The following CNTNAP2 variants were observed in gnomAD, a reference collection of about 807,000 sequenced individuals.
The protein encoded by CNTNAP2 is contactin associated protein 2.
A neutral mutation model predicts 155.2 loss-of-function variants in CNTNAP2; 98 were observed. The ratio of observed to expected loss-of-function variants is 0.63; its 90% confidence interval spans 0.54 to 0.75. The LOEUF is 0.75. Among genes scored for constraint, CNTNAP2 ranks in the 30% least tolerant of loss-of-function variants. The pLI is 0.00. For synonymous variants in CNTNAP2, 651 were observed against 631.2 expected (o/e 1.03, Z -0.47); for missense variants, 1,727 against 1,688.1 (o/e 1.02, Z -0.40).
At chr7:147,004,828 T>A (rs1798495926) in intron 3 of CNTNAP2, among the ~76,000 whole-genome samples, 1 of 152,194 alleles carries the variant, frequency 6.6e-6, no homozygotes, top group East Asian at 1.9e-4. Context: ...ACCTAGCTAG[T>A]TTTGCTTGTG....
chr7:147,797,353 T>C (rs565246544), intron 13 of CNTNAP2, among the ~76,000 whole-genome samples: 1 of 152,130 alleles, frequency 6.6e-6, no homozygotes, highest in Non-Finnish European at 1.5e-5. Context: ...ATATGTTGCA[T>C]TTTAGATTCC....
intron 22 of CNTNAP2, among the ~76,000 whole-genome samples, chr7:148,395,993 C>T (rs1799458981): frequency 6.6e-6 from 1 of 152,164 alleles, no homozygotes; most frequent in Admixed American, 6.5e-5. Flanking sequence ...CCGTTCTTCT[C>T]CCTGGGCTGT....
At chr7:146,957,067 A>T (rs781431896) in intron 3 of CNTNAP2, among the ~76,000 whole-genome samples, 2 of 152,132 alleles carry the variant, frequency 1.3e-5, no homozygotes, top group Non-Finnish European at 1.5e-5. Flanking sequence ...GAAATGTGTC[A>T]TTAGGCAATT....
At chr7:147,333,668 A>G (rs1001920814) in intron 9 of CNTNAP2, among the ~76,000 whole-genome samples, 8 of 152,142 alleles carry the variant, frequency 5.3e-5, no homozygotes, top group Non-Finnish European at 8.8e-5. Flanking sequence ...TAATAATCCT[A>G]TATATTTTTT....
rs140040376 is a variant in CNTNAP2 at position 147,213,024 on chromosome 7, G to A, written c.1348+80515G>A. Among the ~76,000 whole-genome samples the A allele has an allele frequency of 2.4e-3, 362 of 152,064 alleles. 2 individuals are homozygous for A. The highest frequency in any genetic ancestry group is 8.2e-3 in the African/African-American group (340 of 41,484). On this transcript the variant is annotated intron_variant, in intron 8 of 23. Coordinates refer to ENST00000361727, the MANE Select transcript of CNTNAP2 (RefSeq NM_014141.6). ...CAGAGAAACATAACCAACAGAATGG[G>A]ATATATATACACACACACTCACACA...
At chr7:146,152,135 T>A in intron 1 of CNTNAP2, among the ~76,000 whole-genome samples, 1 of 152,052 alleles carries the variant, frequency 6.6e-6, no homozygotes, top group East Asian at 1.9e-4. Context: ...AATAGATGAC[T>A]GGATAAAGAA....
intron 2 of CNTNAP2, among the ~76,000 whole-genome samples, chr7:146,778,976 A>G (rs1168805373): frequency 6.6e-6 from 1 of 152,178 alleles, no homozygotes; most frequent in Non-Finnish European, 1.5e-5. Flanking sequence ...TTGGGAACCC[A>G]GGGGACTACT....
At chr7:146,502,434 T>C (rs1327138755) in intron 1 of CNTNAP2, among the ~76,000 whole-genome samples, 2 of 151,792 alleles carry the variant, frequency 1.3e-5, no homozygotes, top group Non-Finnish European at 2.9e-5. Flanking sequence ...ATACTGTTGT[T>C]CCATTATTAG....
chr7:148,060,252 G>T (rs945614766), intron 15 of CNTNAP2, among the ~76,000 whole-genome samples: 5 of 152,030 alleles, frequency 3.3e-5, no homozygotes, highest in Non-Finnish European at 7.4e-5. Flanking sequence ...TGCTTTAAAT[G>T]ATTTTAAATA....
chr7:147,090,682 T>C (rs1800382959), intron 4 of CNTNAP2, among the ~76,000 whole-genome samples: 1 of 152,322 alleles, frequency 6.6e-6, no homozygotes, highest in African/African-American at 2.4e-5. Context: ...CACCTTCCAA[T>C]TGTTTATTAA....
At chr7:146,522,509 C>G (rs1375085337) in intron 1 of CNTNAP2, among the ~76,000 whole-genome samples, 2 of 151,916 alleles carry the variant, frequency 1.3e-5, no homozygotes, top group Non-Finnish European at 2.9e-5. Flanking sequence ...TTTGAAAGCA[C>G]TCTTCTATGT....
intron 1 of CNTNAP2, among the ~76,000 whole-genome samples, chr7:146,658,910 G>T (rs888992898): frequency 5.9e-5 from 9 of 152,244 alleles, no homozygotes; most frequent in African/African-American, 2.2e-4. Flanking sequence ...AGATTAGAAG[G>T]TGCTGTAGTT....
intron 1 of CNTNAP2, among the ~76,000 whole-genome samples, chr7:146,194,266 A>T (rs11978140): frequency 0.31 from 46,721 of 152,092 alleles, 8,501 homozygotes; most frequent in African/African-American, 0.5. Flanking sequence ...ACATTGCTAA[A>T]AAAGACATAC....
chr7:147,090,322 C>CGTGTGTGT (rs146882206), intron 4 of CNTNAP2, among the ~76,000 whole-genome samples: 6,750 of 141,842 alleles, frequency 0.048, 418 homozygotes, highest in African/African-American at 0.14. Context: ...AACATATAAG[C>CGTGTGTGT]GTGTGTGTGT....
At chr7:147,492,584 T>C (rs1798628548) in intron 11 of CNTNAP2, among the ~76,000 whole-genome samples, 1 of 152,134 alleles carries the variant, frequency 6.6e-6, no homozygotes, top group Non-Finnish European at 1.5e-5. Context: ...ACACTCAGGG[T>C]TTGAAATTAG....
At chr7:147,383,877 G>GC (rs921133121) in intron 9 of CNTNAP2, among the ~76,000 whole-genome samples, 7 of 151,754 alleles carry the variant, frequency 4.6e-5, no homozygotes, top group East Asian at 1.9e-4. Flanking sequence ...CACAAACACA[G>GC]CCCCCCCAAC....
At chr7:148,137,228 G>C (rs1411465524) in intron 16 of CNTNAP2, among the ~76,000 whole-genome samples, 1 of 152,156 alleles carries the variant, frequency 6.6e-6, no homozygotes, top group Non-Finnish European at 1.5e-5. Flanking sequence ...TTACTAAGTA[G>C]ACGATAAAGA....
intron 4 of CNTNAP2, among the ~76,000 whole-genome samples, chr7:147,064,976 T>C (rs1401054666): frequency 6.6e-6 from 1 of 152,168 alleles, no homozygotes; most frequent in African/African-American, 2.4e-5. Flanking sequence ...ATGCTGAGTA[T>C]TTAAATGCCT....
chr7:148,106,507 T>TATATAC, intron 15 of CNTNAP2, among the ~76,000 whole-genome samples: 1 of 146,482 alleles, frequency 6.8e-6, no homozygotes, highest in Non-Finnish European at 1.5e-5. Flanking sequence ...TATATATATA[T>TATATAC]ATATATATAT....
Sources: gnomAD v4.1 joint callset for allele counts (sites outside exome capture counted in the v4.1 genomes callset) on GRCh38, gnomAD v4.1.1 for gene constraint, MANE v1.5 for transcripts, NCBI Gene and HGNC (gene_info 2026-07-23, HGNC 2026-07-21) for gene names.